PELI2: variants seen among roughly 807,000 people sequenced by gnomAD.
PELI2 encodes the protein E3 ubiquitin-protein ligase pellino homolog 2.
In PELI2, 23 loss-of-function variants were observed where a neutral mutation model predicts 42.3. The observed-to-expected ratio is 0.54, with a 90% CI of 0.39 to 0.77. The LOEUF (loss-of-function observed/expected upper bound fraction) is 0.77, where lower values mean the gene tolerates loss of function less well. Ranked by LOEUF, PELI2 falls within the 30% of genes least tolerant of loss-of-function variation. PELI2 has a pLI of 0.00. For synonymous variants in PELI2, 245 were observed against 212.2 expected (o/e 1.15, Z -1.34); for missense variants, 463 against 553.2 (o/e 0.84, Z 1.64).
intron 1 of PELI2, among the ~76,000 whole-genome samples, chr14:56,174,323 C>T (rs1226834771): frequency 6.6e-6 from 1 of 152,232 alleles, no homozygotes; most frequent in East Asian, 1.9e-4. Flanking sequence ...CTAATTTCTT[C>T]CAGTTCCTCC....
intron 2 of PELI2, among the ~76,000 whole-genome samples, chr14:56,196,853 C>T (rs1486504127): frequency 2.0e-5 from 3 of 152,014 alleles, no homozygotes; most frequent in Non-Finnish European, 4.4e-5. Flanking sequence ...TATCTTTTAA[C>T]TTTGTTCATG....
intron 2 of PELI2, among the ~76,000 whole-genome samples, chr14:56,247,693 C>T (rs764601381): frequency 2.0e-5 from 3 of 152,134 alleles, no homozygotes; most frequent in Non-Finnish European, 4.4e-5. Flanking sequence ...CCAGAGGGCT[C>T]CTGTTATGTT....
In PELI2 at chr14:56,212,764, A is replaced by G. The variant is rs548321814; in HGVS notation, c.207+34300A>G. 2.6e-5 allele frequency among the ~76,000 whole-genome samples: 4 copies of G among 152,280 alleles called. No individual in the cohort carries two copies. In the East Asian group the frequency reaches 7.7e-4, roughly 29 times the overall value. ...TTCTGTCAGCAGCTCCTTTCCTACA[A>G]GTATCCTGGAGGCTGGGCCAGGACA... is the stretch of plus-strand genomic sequence containing the variant. On this transcript the variant is annotated intron_variant, in intron 2 of 5. Coordinates refer to ENST00000267460, the MANE Select transcript of PELI2 (RefSeq NM_021255.3).
chr14:56,196,239 C>T (rs1886126717), intron 2 of PELI2, among the ~76,000 whole-genome samples: 1 of 152,110 alleles, frequency 6.6e-6, no homozygotes, highest in Admixed American at 6.5e-5. Flanking sequence ...CTTTCCAAAG[C>T]ATGTTTTCGT....
chr14:56,126,829 A>G (rs756964369), intron 1 of PELI2, among the ~76,000 whole-genome samples: 46 of 152,322 alleles, frequency 3.0e-4, no homozygotes, highest in Non-Finnish European at 5.9e-4. Flanking sequence ...ATCCCAGAAA[A>G]TTATGCTGAC....
intron 1 of PELI2, among the ~76,000 whole-genome samples, chr14:56,122,750 C>T (rs560846478): frequency 2.6e-5 from 4 of 152,274 alleles, no homozygotes; most frequent in African/African-American, 9.6e-5. Context: ...ATTCAAACTG[C>T]AGTTTAGCAT....
chr14:56,227,572 A>G (rs1424001133), intron 2 of PELI2, among the ~76,000 whole-genome samples: 1 of 152,166 alleles, frequency 6.6e-6, no homozygotes, highest in African/African-American at 2.4e-5. Context: ...AGAAATAAGT[A>G]TAGATGCAAA....
rs143481191 is a variant in PELI2, at chr14:56,250,103, G to A, written c.208-29573G>A. Among the ~76,000 whole-genome samples the A allele has an allele frequency of 3.3e-3, 510 of 152,270 alleles. 2 individuals carry two copies. Among genetic ancestry groups the A allele is most frequent in the African/African-American group, 0.012 (487 of 41,556 alleles). On this transcript the variant is annotated intron_variant, in intron 2 of 5. Coordinates refer to ENST00000267460, the MANE Select transcript of PELI2 (RefSeq NM_021255.3). ...GGCTGTATCCTCTCCCTCTGGTAATGCCATGTTTTCTGCCCAAACTTTGGC... is the reference window on the plus strand; with the variant it reads ...GGCTGTATCCTCTCCCTCTGGTAATACCATGTTTTCTGCCCAAACTTTGGC...
chr14:56,192,653 A>G (rs774343396), intron 2 of PELI2, among the ~76,000 whole-genome samples: 21 of 152,170 alleles, frequency 1.4e-4, no homozygotes, highest in African/African-American at 2.2e-4. Flanking sequence ...TTGGATTGAA[A>G]TTCTAACTCT....
intron 2 of PELI2, among the ~76,000 whole-genome samples, chr14:56,220,228 C>T (rs1887073490): frequency 6.6e-6 from 1 of 152,120 alleles, no homozygotes; most frequent in African/African-American, 2.4e-5. Context: ...GGCCACACTG[C>T]AGGATTGATG....
intron 2 of PELI2, among the ~76,000 whole-genome samples, chr14:56,192,642 C>A (rs2139690604): frequency 6.6e-6 from 1 of 152,160 alleles, no homozygotes; most frequent in East Asian, 1.9e-4. Flanking sequence ...AGTCAAATTC[C>A]TTGGATTGAA....
At chr14:56,234,249 G>A (rs1887697924) in intron 2 of PELI2, among the ~76,000 whole-genome samples, 1 of 152,154 alleles carries the variant, frequency 6.6e-6, no homozygotes, top group Non-Finnish European at 1.5e-5. Context: ...TCCCATTACT[G>A]GGTATATACC....
At chr14:56,179,336 A>C (rs1009724630) in intron 2 of PELI2, among the ~76,000 whole-genome samples, 1 of 152,130 alleles carries the variant, frequency 6.6e-6, no homozygotes, top group Non-Finnish European at 1.5e-5. Flanking sequence ...CTGAAAACCC[A>C]CTTTTGGAAG....
chr14:56,262,609 A>G (rs1254868149), intron 2 of PELI2, among the ~76,000 whole-genome samples: 1 of 152,212 alleles, frequency 6.6e-6, no homozygotes, highest in South Asian at 2.1e-4. Context: ...CACAATGTGA[A>G]GTAACATTTA....
chr14:56,249,494 C>T (rs1872525558), intron 2 of PELI2, among the ~76,000 whole-genome samples: 1 of 152,198 alleles, frequency 6.6e-6, no homozygotes, highest in African/African-American at 2.4e-5. Flanking sequence ...CCATTCAACT[C>T]TTCCAAGGTG....
intron 1 of PELI2, among the ~76,000 whole-genome samples, chr14:56,139,220 A>G (rs533898426): frequency 6.6e-6 from 1 of 152,088 alleles, no homozygotes; most frequent in Non-Finnish European, 1.5e-5. Context: ...AGGAAGACAG[A>G]TGGGCCAAGG....
At chr14:56,184,975 G>C (rs1445405061) in intron 2 of PELI2, among the ~76,000 whole-genome samples, 3 of 152,012 alleles carry the variant, frequency 2.0e-5, no homozygotes, top group Non-Finnish European at 4.4e-5. Flanking sequence ...TACTTCACCT[G>C]GGATACGGTT....
At chr14:56,132,437 A>G (rs1309619833) in intron 1 of PELI2, among the ~76,000 whole-genome samples, 1 of 152,198 alleles carries the variant, frequency 6.6e-6, no homozygotes, top group East Asian at 1.9e-4. Context: ...TTGTGATGAT[A>G]ACAGTGGAAA....
At chr14:56,277,364 G>A (rs915388978) in intron 2 of PELI2, among the ~76,000 whole-genome samples, 1 of 151,914 alleles carries the variant, frequency 6.6e-6, no homozygotes, top group African/African-American at 2.4e-5. Context: ...AGGGATCTAG[G>A]TTGCGTGTTC....
Sources: gnomAD v4.1 joint callset for allele counts (sites outside exome capture counted in the v4.1 genomes callset) on GRCh38, gnomAD v4.1.1 for gene constraint, MANE v1.5 for transcripts, NCBI Gene and HGNC (gene_info 2026-07-23, HGNC 2026-07-21) for gene names.